Variants in ELF1 observed in about 807,000 individuals in gnomAD.
ELF1 encodes the protein ETS-related transcription factor Elf-1.
A neutral mutation model predicts 59.9 loss-of-function variants in ELF1; 24 were observed. That is an observed-to-expected ratio of 0.40 (90% confidence interval 0.29 to 0.56). The LOEUF (loss-of-function observed/expected upper bound fraction) is 0.56. ELF1 is among the 20% of genes least tolerant of loss of function. ELF1 has a pLI of 0.44. For missense variants in ELF1, 627 were observed against 742.2 expected, an observed-to-expected ratio of 0.84 and a Z score of 1.80; for synonymous variants, 248 against 266.2, an observed-to-expected ratio of 0.93 and a Z score of 0.67.
At chr13:41,018,338 T>A (rs1036797599) in intron 1 of ELF1, among the ~76,000 whole-genome samples, 5 of 152,202 alleles carry the variant, frequency 3.3e-5, no homozygotes, top group Non-Finnish European at 5.9e-5. Flanking sequence ...GACTGAGCAA[T>A]CTTTTCATTT....
intron 1 of ELF1, among the ~76,000 whole-genome samples, chr13:40,989,743 C>T (rs1332618462): frequency 2.0e-5 from 3 of 152,062 alleles, no homozygotes; most frequent in South Asian, 2.1e-4. Context: ...ACATTATTGT[C>T]GTGCTCAAAT....
chr13:41,006,454 T>C (rs1228957591), intron 1 of ELF1, among the ~76,000 whole-genome samples: 2 of 152,040 alleles, frequency 1.3e-5, no homozygotes, highest in Non-Finnish European at 2.9e-5. Flanking sequence ...GGGGGCAGGA[T>C]GGGGAGTGAG....
intron 1 of ELF1, among the ~76,000 whole-genome samples, chr13:41,045,078 G>T (rs1044831201): frequency 6.6e-6 from 1 of 152,090 alleles, no homozygotes; most frequent in Non-Finnish European, 1.5e-5. Flanking sequence ...TAGTTTATTT[G>T]CATAGAGGTA....
intron 1 of ELF1, among the ~76,000 whole-genome samples, chr13:40,985,022 A>G (rs1220023081): frequency 1.3e-5 from 2 of 152,224 alleles, no homozygotes; most frequent in African/African-American, 2.4e-5. Flanking sequence ...GCTCCCCACA[A>G]TCACTAAGCC....
chr13:41,033,941 G>A (rs1248285664), intron 1 of ELF1, among the ~76,000 whole-genome samples: 1 of 152,094 alleles, frequency 6.6e-6, no homozygotes, highest in Admixed American at 6.6e-5. Flanking sequence ...TGAGGATTTG[G>A]GGAAGTGATG....
At chr13:40,939,644 A>G (rs574017023) in intron 8 of ELF1, among the ~76,000 whole-genome samples, 1 of 152,304 alleles carries the variant, frequency 6.6e-6, no homozygotes, top group African/African-American at 2.4e-5. Flanking sequence ...GCACCCACTG[A>G]GCATCCCAAA....
intron 1 of ELF1, among the ~76,000 whole-genome samples, chr13:41,041,998 C>T (rs1166714094): frequency 6.6e-6 from 1 of 152,144 alleles, no homozygotes; most frequent in East Asian, 1.9e-4. Flanking sequence ...ATTTCCTAAA[C>T]TCTATAGGAG....
exon 1 of ELF1, chr13:41,061,279 G>T: frequency 3.2e-6 from 1 of 311,070 alleles, no homozygotes; most frequent in Non-Finnish European, 6.2e-6. Flanking sequence ...AGCCTAGAAG[G>T]AGGATGGAGG....
In ELF1 at chr13:40,941,019, A is replaced by G; in HGVS notation, c.1158T>C (p.Val386=). ...CAGCCTGTACTGGCTGTACTACATG[A>G]ACAGTCCGGAAGAGCTGGGTAGGAT... The part of the protein sequence containing the change: ...SPYPTQLFRT[V]HVVQPVQAVP... Residue 386 remains valine (V), a synonymous_variant, in exon 8 of 9, where the codon GTT becomes GTC. Coordinates refer to ENST00000239882, the MANE Select transcript of ELF1 (RefSeq NM_172373.4). 1 of 1,614,186 alleles carries G rather than the reference A, an allele frequency of 6.2e-7. No individual in the cohort carries two copies. The highest frequency in any genetic ancestry group is 8.5e-7 in the Non-Finnish European group (1 of 1,180,024).
At chr13:41,060,273 ACTGGTCCGGGCGCGGGCT>A (rs1217941157) in intron 1 of ELF1, among the ~76,000 whole-genome samples, 3 of 152,226 alleles carry the variant, frequency 2.0e-5, no homozygotes, top group Non-Finnish European at 4.4e-5. Flanking sequence ...CACTAGAGCT[ACTGGTCCGGGCGCGGGCT>A]CTGGGGCGCC....
chr13:40,977,986 T>C (rs1481147747), intron 2 of ELF1, among the ~76,000 whole-genome samples: 1 of 152,180 alleles, frequency 6.6e-6, no homozygotes, highest in Non-Finnish European at 1.5e-5. Flanking sequence ...AACACCACTA[T>C]TTGTGGGAGT....
intron 8 of ELF1, among the ~76,000 whole-genome samples, chr13:40,938,919 G>C (rs1206783211): frequency 6.6e-6 from 1 of 152,082 alleles, no homozygotes; most frequent in Non-Finnish European, 1.5e-5. Flanking sequence ...GTAAATAAGT[G>C]TTCATAGTAC....
chr13:40,936,434 C>T (rs1869775277), intron 8 of ELF1, among the ~76,000 whole-genome samples: 2 of 152,116 alleles, frequency 1.3e-5, no homozygotes, highest in South Asian at 2.1e-4. Flanking sequence ...TAGGACTTCG[C>T]TGCTTCTGTT....
intron 1 of ELF1, among the ~76,000 whole-genome samples, chr13:41,002,464 G>A (rs931100450): frequency 1.3e-5 from 2 of 151,690 alleles, no homozygotes; most frequent in African/African-American, 4.8e-5. Context: ...GCAACATGGC[G>A]AGAACCCATC....
chr13:41,013,086 G>A (rs922900040), intron 1 of ELF1, among the ~76,000 whole-genome samples: 3 of 152,088 alleles, frequency 2.0e-5, no homozygotes, highest in Admixed American at 2.0e-4. Context: ...ACCCTGAAAT[G>A]CATCAACTGT....
intron 1 of ELF1, among the ~76,000 whole-genome samples, chr13:40,990,055 T>G (rs1873762113): frequency 6.6e-6 from 1 of 152,176 alleles, no homozygotes; most frequent in African/African-American, 2.4e-5. Context: ...AACATGGTAG[T>G]AAAAATTTAT....
chr13:40,953,852 T>C (rs769008367), intron 3 of ELF1, among the ~76,000 whole-genome samples: 11 of 152,026 alleles, frequency 7.2e-5, no homozygotes, highest in Non-Finnish European at 1.5e-4. Context: ...AGTTGGGAGG[T>C]AAGGCAAAGG....
intron 1 of ELF1, among the ~76,000 whole-genome samples, chr13:40,986,839 CTGAT>C (rs1873573061): frequency 6.6e-6 from 1 of 151,662 alleles, no homozygotes; most frequent in Admixed American, 6.6e-5. Flanking sequence ...AAATTGATCA[CTGAT>C]TGAATGTAAA....
chr13:41,018,279 A>T (rs1380666178), intron 1 of ELF1, among the ~76,000 whole-genome samples: 1 of 152,228 alleles, frequency 6.6e-6, no homozygotes, highest in Non-Finnish European at 1.5e-5. Flanking sequence ...TAGGATGTAT[A>T]CTTGCCAGCC....
Sources: allele counts gnomAD v4.1 joint callset (sites outside exome capture counted in the v4.1 genomes callset), GRCh38; gene constraint gnomAD v4.1.1; transcripts MANE v1.5; gene names NCBI Gene and HGNC (gene_info 2026-07-23, HGNC 2026-07-21).